The following HS6ST2 variants were observed in gnomAD, a reference collection of about 807,000 sequenced individuals.
The protein encoded by HS6ST2 is heparan-sulfate 6-O-sulfotransferase 2.
A neutral mutation model predicts 33.0 loss-of-function variants in HS6ST2; 17 were observed. The ratio of observed to expected loss-of-function variants is 0.52; its 90% CI spans 0.35 to 0.77. HS6ST2 has a LOEUF of 0.77. HS6ST2 is among the 30% of genes least tolerant of loss of function. The pLI is 0.01. For synonymous variants in HS6ST2, 248 were observed against 237.1 expected, an observed-to-expected ratio of 1.05 and a Z score of -0.42; for missense variants, 519 against 551.7, an observed-to-expected ratio of 0.94 and a Z score of 0.59.
rs976430174 is a variant in HS6ST2 at position 132,743,576 on chromosome X, T to C, written c.948-35082A>G. ...TTGACCACTTACATACCAAGCCCAT[T>C]GCTAAAGGCTTACCTCACCTCACCC... On this transcript the variant is annotated intron_variant, in intron 2 of 4. Coordinates refer to ENST00000370833, the MANE Select transcript of HS6ST2 (RefSeq NM_001394073.1). 1.9e-4 allele frequency among the ~76,000 whole-genome samples: 21 copies of C among 111,704 alleles called. 1 individual carries two copies. Among genetic ancestry groups the C allele is most frequent in the Middle Eastern group, 8.4e-3 (2 of 239 alleles).
intron 2 of HS6ST2, among the ~76,000 whole-genome samples, chrX:132,933,669 C>A (rs1381200901): frequency 9.0e-6 from 1 of 111,414 alleles, no homozygotes; most frequent in Non-Finnish European, 1.9e-5. Flanking sequence ...CACAGACATA[C>A]CATACTAAAA....
chrX:132,922,795 G>A lies in HS6ST2; in HGVS notation c.947+34013C>T, dbSNP rs191325463. ...TAGGTAGGTTTAAAATTTTTCTGTG[G>A]CTCACGCCTGTAATCCCAACACTTT... is the stretch of plus-strand genomic sequence containing the variant. On this transcript the variant is annotated intron_variant, in intron 2 of 4. Transcript: ENST00000370833. 1.9e-4 allele frequency among the ~76,000 whole-genome samples: 21 copies of A among 111,909 alleles called. 1 individual carries two copies. In the East Asian group the frequency reaches 5.6e-3, roughly 30 times the overall value.
chrX:132,707,970 C>T (rs12838432), intron 3 of HS6ST2, among the ~76,000 whole-genome samples: 2 of 111,488 alleles, frequency 1.8e-5, no homozygotes, highest in South Asian at 3.8e-4. Flanking sequence ...TGCAAGTCTA[C>T]GTATTTACAT....
At chrX:132,701,106 T>G (rs939972977) in intron 3 of HS6ST2, among the ~76,000 whole-genome samples, 4 of 112,301 alleles carry the variant, frequency 3.6e-5, no homozygotes, top group African/African-American at 1.3e-4. Context: ...AGATACTGGA[T>G]AGGATTCAGT....
intron 2 of HS6ST2, among the ~76,000 whole-genome samples, chrX:132,951,723 C>G (rs1454591231): frequency 9.0e-6 from 1 of 111,563 alleles, no homozygotes; most frequent in Non-Finnish European, 1.9e-5. Flanking sequence ...CTAATCTCCC[C>G]ACAACTGCTA....
chrX:132,943,102 C>G (rs1220088530), intron 2 of HS6ST2, among the ~76,000 whole-genome samples: 1 of 111,867 alleles, frequency 8.9e-6, no homozygotes, highest in African/African-American at 3.2e-5. Flanking sequence ...GCAGAGTTCA[C>G]CTTGAAAGAG....
At chrX:132,639,148 A>C in intron 4 of HS6ST2, among the ~76,000 whole-genome samples, 1 of 112,469 alleles carries the variant, frequency 8.9e-6, no homozygotes, top group Non-Finnish European at 1.9e-5. Flanking sequence ...AATTCTTCAC[A>C]CAATGAGTCC....
chrX:132,773,173 AT>A (rs2064924328), intron 2 of HS6ST2, among the ~76,000 whole-genome samples: 1 of 100,597 alleles, frequency 9.9e-6, no homozygotes, highest in Non-Finnish European at 2.0e-5. Flanking sequence ...ACTATATAAT[AT>A]ATATTAATGC....
At chrX:132,756,641 C>A (rs779160745) in intron 2 of HS6ST2, among the ~76,000 whole-genome samples, 1 of 110,157 alleles carries the variant, frequency 9.1e-6, no homozygotes, top group South Asian at 4.0e-4. Context: ...CCTGCATGAG[C>A]TTTCTCCATC....
chrX:132,719,772 A>G (rs2064312018), intron 2 of HS6ST2, among the ~76,000 whole-genome samples: 1 of 112,666 alleles, frequency 8.9e-6, no homozygotes, highest in Non-Finnish European at 1.9e-5. Flanking sequence ...CAGATCTGAC[A>G]AAGCCTTGGC....
chrX:132,844,178 A>G, intron 2 of HS6ST2, among the ~76,000 whole-genome samples: 1 of 111,456 alleles, frequency 9.0e-6, no homozygotes, highest in East Asian at 2.8e-4. Flanking sequence ...GTGGGGATGA[A>G]GGAGGTTTCC....
chrX:132,713,702 T>C (rs2064251173), intron 2 of HS6ST2, among the ~76,000 whole-genome samples: 2 of 111,354 alleles, frequency 1.8e-5, no homozygotes, highest in Non-Finnish European at 3.8e-5. Context: ...TGAGTATTTG[T>C]TTTAACCTCC....
At chrX:132,884,087 C>T (rs1187785141) in intron 2 of HS6ST2, among the ~76,000 whole-genome samples, 1 of 111,258 alleles carries the variant, frequency 9.0e-6, no homozygotes. Flanking sequence ...ATGGCTCTGA[C>T]TTCCGAGTGA....
intron 3 of HS6ST2, among the ~76,000 whole-genome samples, chrX:132,680,633 C>A (rs1372961609): frequency 9.0e-6 from 1 of 110,979 alleles, no homozygotes; most frequent in African/African-American, 3.3e-5. Context: ...GAGAACAACA[C>A]CAGAAGGCTT....
At chrX:132,811,587 T>C (rs2065344443) in intron 2 of HS6ST2, among the ~76,000 whole-genome samples, 1 of 103,815 alleles carries the variant, frequency 9.6e-6, no homozygotes, top group Non-Finnish European at 2.0e-5. Context: ...AACTGGCTTA[T>C]TTCACTTAGC....
intron 4 of HS6ST2, among the ~76,000 whole-genome samples, chrX:132,647,827 A>G (rs975561045): frequency 1.8e-5 from 2 of 112,120 alleles, no homozygotes; most frequent in South Asian, 7.5e-4. Flanking sequence ...GTCTGACAAC[A>G]GAGGGCTTTT....
intron 3 of HS6ST2, among the ~76,000 whole-genome samples, chrX:132,684,239 A>G (rs1354665623): frequency 1.9e-5 from 2 of 103,511 alleles, no homozygotes; most frequent in African/African-American, 3.5e-5. Flanking sequence ...ATATATATAT[A>G]TATACACACA....
chrX:132,763,782 C>G (rs1406534047), intron 2 of HS6ST2, among the ~76,000 whole-genome samples: 4 of 112,003 alleles, frequency 3.6e-5, no homozygotes, highest in Non-Finnish European at 7.5e-5. Context: ...AGCTGGCAGA[C>G]AGAGAGGTGT....
In HS6ST2 at chrX:132,958,549, C is replaced by A. The variant is rs767828061; in HGVS notation, c.54G>T (p.Glu18Asp). 5.1e-6 allele frequency: 6 copies of A among 1,183,325 alleles called. No individual in the cohort carries two copies. Among genetic ancestry groups the A allele is most frequent in the Non-Finnish European group, 5.7e-6 (5 of 881,300 alleles). Residue 18 changes from glutamate to aspartate, a missense_variant, in exon 1 of 5, where the codon GAG (glutamate) becomes GAT (aspartate). Glu to Asp is a conservative substitution (Grantham distance 45). Transcript: ENST00000370833. ...VREFEPPRQP[E>D]RGAPVRTTCP... The stretch of plus-strand genomic sequence containing the variant: ...AGGTGGTGCGGACGGGCGCTCCTCG[C>A]TCCGGTTGCCGCGGCGGCTCGAACT...
Sources: gnomAD v4.1 joint callset for allele counts (sites outside exome capture counted in the v4.1 genomes callset) on GRCh38, gnomAD v4.1.1 for gene constraint, MANE v1.5 for transcripts, NCBI Gene and HGNC (gene_info 2026-07-23, HGNC 2026-07-21) for gene names.